The following LYRM4 variants were observed in gnomAD, a reference collection of about 807,000 sequenced individuals.
LYRM4 encodes the protein LYR motif-containing protein 4.
A neutral mutation model predicts 11.7 loss-of-function variants in LYRM4; 9 were observed. The observed-to-expected ratio is 0.77, with a 90% CI of 0.46 to 1.34. The LOEUF is 1.34. LYRM4 is among the 40% of genes most tolerant of loss of function. The probability of loss-of-function intolerance (pLI) is 0.00; values close to 1 mark genes in which losing one functional copy is unlikely to be tolerated. For missense variants in LYRM4, 133 were observed against 112.5 expected (o/e 1.18, Z -0.82); for synonymous variants, 42 against 40.4 (o/e 1.04, Z -0.15).
downstream of LYRM4, chr6:5,107,215 A>C (rs1278837551): frequency 6.6e-6 from 1 of 152,258 alleles, no homozygotes; most frequent in Admixed American, 6.5e-5. Context: ...ATGCAGTTTA[A>C]TGAACACAAA....
the LYRM4 span, among the ~76,000 whole-genome samples, chr6:5,055,835 T>C: frequency 2.6e-5 from 4 of 152,148 alleles, no homozygotes; most frequent in Admixed American, 1.3e-4. This position sits in a 1 kb window ranked among gnomAD's most constrained non-coding sequence, Gnocchi z 4.5. Context: ...CTCACCAACA[T>C]AACCTTGAAA....
At chr6:5,038,331 G>A in the LYRM4 span, among the ~76,000 whole-genome samples, 6 of 59,834 alleles carry the variant, frequency 1.0e-4, 3 homozygotes, top group African/African-American at 2.7e-4. Context: ...ATGGGATGGC[G>A]GCGGGGAAGA....
At chr6:5,156,490 G>A (rs1222856782) in intron 2 of LYRM4, among the ~76,000 whole-genome samples, 3 of 152,234 alleles carry the variant, frequency 2.0e-5, no homozygotes, top group African/African-American at 7.2e-5. Flanking sequence ...AAAGAATAAG[G>A]TGGGGGCAGA....
At chr6:5,160,977 T>C (rs983938340) in intron 2 of LYRM4, among the ~76,000 whole-genome samples, 6 of 152,226 alleles carry the variant, frequency 3.9e-5, no homozygotes, top group African/African-American at 1.4e-4. Context: ...CTAACTGCTC[T>C]GGACTTCAGC....
chr6:5,244,684 T>C (rs546276265), intron 1 of LYRM4, among the ~76,000 whole-genome samples: 1 of 152,048 alleles, frequency 6.6e-6, no homozygotes, highest in African/African-American at 2.4e-5. Flanking sequence ...CATGGCCACC[T>C]AGCATGAGGC....
intron 2 of LYRM4, among the ~76,000 whole-genome samples, chr6:5,119,513 G>A (rs768470660): frequency 3.9e-5 from 6 of 152,066 alleles, no homozygotes; most frequent in Non-Finnish European, 8.8e-5. Context: ...AAGGCTGGGT[G>A]TGGTGTCTCA....
intron 2 of LYRM4, among the ~76,000 whole-genome samples, chr6:5,198,172 T>G (rs541340470): frequency 6.6e-6 from 1 of 152,098 alleles, no homozygotes; most frequent in African/African-American, 2.4e-5. Context: ...CACTCCAGCC[T>G]GGGCAACAAG....
the LYRM4 span, chr6:5,066,401 C>T: frequency 1.8e-5 from 13 of 738,704 alleles, no homozygotes; most frequent in Non-Finnish European, 3.0e-5. Flanking sequence ...TACTTGAGAA[C>T]ATTCTAGTTA....
chr6:5,066,523 TTTTAAAGAA>T, the LYRM4 span: 4 of 805,730 alleles, frequency 5.0e-6, no homozygotes, highest in Non-Finnish European at 6.7e-6. Flanking sequence ...CTAGGATCTA[TTTTAAAGAA>T]GTCACAGTGA....
At chr6:5,192,283 C>A (rs919036640) in intron 2 of LYRM4, among the ~76,000 whole-genome samples, 1 of 151,948 alleles carries the variant, frequency 6.6e-6, no homozygotes, top group African/African-American at 2.4e-5. Context: ...GTGGAGGGAC[C>A]CTGTGTGGGT....
chr6:5,193,772 G>A (rs1760896381), intron 2 of LYRM4, among the ~76,000 whole-genome samples: 1 of 152,214 alleles, frequency 6.6e-6, no homozygotes, highest in East Asian at 1.9e-4. Flanking sequence ...AAAAACCCTT[G>A]GAAAGCATGA....
the LYRM4 span, among the ~76,000 whole-genome samples, chr6:5,069,251 A>G: frequency 6.6e-6 from 1 of 152,068 alleles, no homozygotes; most frequent in Non-Finnish European, 1.5e-5. Flanking sequence ...GACCCCAAAG[A>G]CCATCAGTTT....
intron 2 of LYRM4, among the ~76,000 whole-genome samples, chr6:5,128,459 T>C (rs936163418): frequency 6.6e-6 from 1 of 151,944 alleles, no homozygotes. Flanking sequence ...AGTGGTGGAG[T>C]ACATCTCTTT....
intron 2 of LYRM4, among the ~76,000 whole-genome samples, chr6:5,202,641 C>T (rs1348656800): frequency 6.6e-6 from 1 of 152,128 alleles, no homozygotes; most frequent in Non-Finnish European, 1.5e-5. Flanking sequence ...TTATTTCTCC[C>T]TAGTTCTCCC....
At chr6:5,187,333 A>AG (rs1760463860) in intron 2 of LYRM4, among the ~76,000 whole-genome samples, 1 of 152,196 alleles carries the variant, frequency 6.6e-6, no homozygotes, top group Non-Finnish European at 1.5e-5. Context: ...TCCTTCACAA[A>AG]GACACACATA....
chr6:5,077,345 G>C, the LYRM4 span, among the ~76,000 whole-genome samples: 1 of 152,334 alleles, frequency 6.6e-6, no homozygotes, highest in East Asian at 1.9e-4. Flanking sequence ...AAGTGGGCAG[G>C]CTCTGTGGAC....
At chr6:5,122,950 G>A (rs1395589826) in intron 2 of LYRM4, among the ~76,000 whole-genome samples, 3 of 152,168 alleles carry the variant, frequency 2.0e-5, no homozygotes, top group East Asian at 1.9e-4. Flanking sequence ...CGACATCCAC[G>A]GACTTGTAAA....
chr6:5,218,869 A>C (rs928097924), intron 1 of LYRM4, among the ~76,000 whole-genome samples: 4 of 152,364 alleles, frequency 2.6e-5, no homozygotes, highest in African/African-American at 9.6e-5. Flanking sequence ...ACTTTCTTGC[A>C]TAGCCTAATG....
intron 2 of LYRM4, among the ~76,000 whole-genome samples, chr6:5,171,266 C>G (rs4959333): frequency 6.6e-6 from 1 of 151,998 alleles, no homozygotes. Flanking sequence ...CCCTAGTCAT[C>G]CATCTACGTT....
Sources: gnomAD v4.1 joint callset for allele counts (sites outside exome capture counted in the v4.1 genomes callset) on GRCh38, gnomAD v4.1.1 for gene constraint, Gnocchi (gnomAD v3.1) non-coding constraint, MANE v1.5 for transcripts, NCBI Gene and HGNC (gene_info 2026-07-23, HGNC 2026-07-21) for gene names.